The following PCDHGB1 variants were observed in gnomAD, a reference collection of about 807,000 sequenced individuals.
PCDHGB1 encodes the protein protocadherin gamma subfamily B, 1.
Under a neutral mutation model 56.6 loss-of-function variants are expected in PCDHGB1, and 34 were observed. That is an observed-to-expected ratio of 0.60 (90% confidence interval 0.46 to 0.80). The LOEUF is 0.80. PCDHGB1 is among the 30% of genes least tolerant of loss of function. The pLI, the probability that PCDHGB1 is intolerant of heterozygous loss-of-function variation, is 0.00. For synonymous variants in PCDHGB1, 561 were observed against 505.9 expected (o/e 1.11, Z -1.46); for missense variants, 1,278 against 1,204.6 (o/e 1.06, Z -0.90).
At chr5:141,422,038 G>A (rs949164524) in intron 1 of PCDHGB1, 9 of 1,611,746 alleles carry the variant, frequency 5.6e-6, no homozygotes, top group Non-Finnish European at 7.6e-6. Context: ...AACGGATCCA[G>A]ACGAGGGAAT....
chr5:141,397,199 T>A (rs1317536621), intron 1 of PCDHGB1, among the ~76,000 whole-genome samples: 1 of 152,156 alleles, frequency 6.6e-6, no homozygotes, highest in Non-Finnish European at 1.5e-5. Context: ...GTAAAAGATA[T>A]GACATAAGAG....
At position 141,486,883 on chromosome 5, in the gene PCDHGB1, C is replaced by G. The variant is rs1234866888; in HGVS notation, c.2410-7924C>G. The G allele has an allele frequency of 1.2e-6, 2 of 1,614,214 alleles. No individual in the cohort carries two copies. ...CTCCAGCTGTGCTCCGTCCTCGGGC[C>G]CGGCCTGGTTCCTTATGTCCCCAAG... On this transcript the variant is annotated intron_variant, in intron 1 of 3. Coordinates refer to ENST00000523390, the MANE Select transcript of PCDHGB1 (RefSeq NM_018922.3). The surrounding 1 kb of genome is among the most constrained non-coding windows in gnomAD (Gnocchi z 5.0).
At position 141,350,707 on chromosome 5, in the gene PCDHGB1, C is replaced by T; in HGVS notation, c.447C>T (p.Phe149=). Residue 149 remains phenylalanine (F), a synonymous_variant, in exon 1 of 4, where the codon TTC becomes TTT. Coordinates refer to ENST00000523390, the MANE Select transcript of PCDHGB1 (RefSeq NM_018922.3). ...AGTCAGCCTTACCCGGGGTAAAATTCTCTCTGGATTCTGCTCAAGATGCAG... is the reference window on the plus strand; with the variant it reads ...AGTCAGCCTTACCCGGGGTAAAATTTTCTCTGGATTCTGCTCAAGATGCAG... ...ICESALPGVK[F]SLDSAQDADV... 2 of 1,613,992 alleles carry T rather than the reference C, an allele frequency of 1.2e-6. No individual in the cohort carries two copies. The highest frequency in any genetic ancestry group is 1.7e-6 in the Non-Finnish European group (2 of 1,179,906).
rs746243687 is a variant in PCDHGB1 at position 141,350,419 on chromosome 5, G to A, written c.159G>A (p.Gly53=). ...TGGGGAAACTTGCCAAGGATCTGGG[G>A]CTCAGTGTCCGGGAGTTGCCAACTC... ...SRVGKLAKDL[G]LSVRELPTRK... is the part of the protein sequence containing the mutation. Residue 53 remains glycine, a synonymous_variant, in exon 1 of 4, where the codon GGG becomes GGA. Coordinates refer to ENST00000523390, the MANE Select transcript of PCDHGB1 (RefSeq NM_018922.3). 2.4e-5 allele frequency: 39 copies of A among 1,606,950 alleles called. No homozygotes were observed. Among genetic ancestry groups the A allele is most frequent in the Non-Finnish European group, 3.1e-5 (36 of 1,174,356 alleles).
intron 1 of PCDHGB1, chr5:141,417,772 C>G: frequency 6.9e-7 from 1 of 1,456,320 alleles, no homozygotes; most frequent in East Asian, 2.5e-5. Context: ...GGGACTCCTC[C>G]TGTCCTGGGC....
rs371130763 is a variant in PCDHGB1 at position 141,432,970 on chromosome 5, G to A, written c.2410-61837G>A. The A allele has an allele frequency of 5.0e-6, 8 of 1,613,996 alleles. No homozygotes were observed. Among genetic ancestry groups the A allele is most frequent in the East Asian group, 4.5e-5 (2 of 44,868 alleles). ...GAGGCGGCTTGACAGGAGCGCCGGC[G>A]TCGCACTTTGTGGGCGTGGACGGGG... On this transcript the variant is annotated intron_variant, in intron 1 of 3. Transcript: ENST00000523390. The surrounding 1 kb of genome is among the most constrained non-coding windows in gnomAD (Gnocchi z 6.0).
rs200512171 is a variant in PCDHGB1, at chr5:141,418,143, T to C, written c.2409+65474T>C. ...AAGGACCGAATAGACCGTGAGCAAA[T>C]ATGCAAAGAGAGAAGAAGATGTGAG... On this transcript the variant is annotated intron_variant, in intron 1 of 3. Transcript: ENST00000523390. 2.6e-4 allele frequency: 419 copies of C among 1,613,982 alleles called. 1 individual carries two copies. In the African/African-American group the frequency reaches 5.2e-3, roughly 20 times the overall value.
At position 141,350,361 on chromosome 5, in the gene PCDHGB1, C is replaced by T. The variant is rs751339845; in HGVS notation, c.101C>T (p.Thr34Met). The change falls in exon 1 of 4, where the codon ACG becomes ATG. Residue 34 changes from threonine to methionine, a missense_variant. Coordinates refer to ENST00000523390, the MANE Select transcript of PCDHGB1 (RefSeq NM_018922.3). ...GCCATCTCCCAGCAGATCCGATACA[C>T]GATTCCAGAGGAGCTAGCCAACGGC... is the stretch of plus-strand genomic sequence containing the variant. Reference protein sequence around the residue: ...CGAISQQIRYTIPEELANGSR... With the variant: ...CGAISQQIRYMIPEELANGSR... 1.3e-6 allele frequency: 2 copies of T among 1,571,214 alleles called. No individual in the cohort carries two copies. The highest frequency in any genetic ancestry group is 1.2e-5 in the South Asian group (1 of 83,242).
intron 1 of PCDHGB1, chr5:141,388,948 T>A (rs751779962): frequency 1.9e-6 from 3 of 1,614,022 alleles, no homozygotes; most frequent in Non-Finnish European, 2.5e-6. Context: ...AACCTAATTA[T>A]GGAGGACGCC....
intron 1 of PCDHGB1, chr5:141,392,138 G>C (rs1212519982): frequency 6.6e-6 from 1 of 152,142 alleles, no homozygotes; most frequent in Non-Finnish European, 1.5e-5. Context: ...TGATTAAGTA[G>C]TTTAAACCAA....
intron 1 of PCDHGB1, chr5:141,392,918 G>T (rs1177755274): frequency 1.2e-6 from 2 of 1,613,794 alleles, no homozygotes; most frequent in African/African-American, 2.7e-5. Flanking sequence ...GCTACTCTGT[G>T]CCAGAAGAGA....
intron 1 of PCDHGB1, chr5:141,371,833 A>G (rs1171503468): frequency 1.2e-6 from 2 of 1,613,634 alleles, no homozygotes; most frequent in African/African-American, 2.7e-5. Flanking sequence ...TCGGATCCCG[A>G]CTTGGGACCT....
chr5:141,359,893 T>C, intron 1 of PCDHGB1: 1 of 393,452 alleles, frequency 2.5e-6, no homozygotes, highest in Non-Finnish European at 4.5e-6. Flanking sequence ...TTAGCAAATA[T>C]TGACAAGCCA....
In PCDHGB1 at chr5:141,360,843, C is replaced by T. The variant is rs910664589; in HGVS notation, c.2409+8174C>T. 8 of 1,613,836 alleles carry T rather than the reference C, an allele frequency of 5.0e-6. No individual in the cohort carries two copies. The Admixed American group carries it at 5.0e-5, about 10-fold the overall frequency. Reference sequence around the variant, plus strand: ...TCCGAATCAAAGTCACGGATGCCAACGATAACCCTCCAGTGTTCAGCCAGG... The same window carrying T: ...TCCGAATCAAAGTCACGGATGCCAATGATAACCCTCCAGTGTTCAGCCAGG... On this transcript the variant is annotated intron_variant, in intron 1 of 3. Coordinates refer to ENST00000523390, the MANE Select transcript of PCDHGB1 (RefSeq NM_018922.3).
chr5:141,404,116 G>A (rs751598967), intron 1 of PCDHGB1: 1 of 1,613,478 alleles, frequency 6.2e-7, no homozygotes, highest in East Asian at 2.2e-5. Flanking sequence ...CTATCCAGGA[G>A]AATCTATCTT....
chr5:141,469,112 A>T (rs1207790108), intron 1 of PCDHGB1, among the ~76,000 whole-genome samples: 1 of 151,698 alleles, frequency 6.6e-6, no homozygotes, highest in African/African-American at 2.4e-5. Flanking sequence ...ACCTGTCTCT[A>T]AAAAAATTTA....
intron 1 of PCDHGB1, among the ~76,000 whole-genome samples, chr5:141,484,369 G>A (rs1218433750): frequency 6.6e-6 from 1 of 152,164 alleles, no homozygotes; most frequent in Non-Finnish European, 1.5e-5. Flanking sequence ...TGTATCACTA[G>A]CAAATGTCTG....
rs763303627 is a variant in PCDHGB1 at position 141,489,719 on chromosome 5, C to T, written c.2410-5088C>T. The T allele has an allele frequency of 1.4e-5, 22 of 1,613,946 alleles. No homozygotes were observed. The highest frequency in any genetic ancestry group is 9.3e-5 in the African/African-American group (7 of 74,924). On this transcript the variant is annotated intron_variant, in intron 1 of 3. Coordinates refer to ENST00000523390, the MANE Select transcript of PCDHGB1 (RefSeq NM_018922.3). The surrounding 1 kb of genome is among the most constrained non-coding windows in gnomAD (Gnocchi z 4.5). ...TTCCCACTGGACAGTGCCCAGGATCCGGATGTGGGCACCAATACTGTGAGC... is the reference window on the plus strand; with the variant it reads ...TTCCCACTGGACAGTGCCCAGGATCTGGATGTGGGCACCAATACTGTGAGC...
intron 1 of PCDHGB1, chr5:141,410,014 G>C (rs1185262301): frequency 1.2e-6 from 2 of 1,613,296 alleles, no homozygotes. Context: ...ACGCCTGGCT[G>C]TCCTACCACG....
Sources: allele counts gnomAD v4.1 joint callset (sites outside exome capture counted in the v4.1 genomes callset), GRCh38; gene constraint gnomAD v4.1.1; non-coding constraint Gnocchi (gnomAD v3.1); transcripts MANE v1.5; gene names NCBI Gene and HGNC (gene_info 2026-07-23, HGNC 2026-07-21).